GRIP1: variants seen among roughly 807,000 people sequenced by gnomAD.
The protein encoded by GRIP1 is glutamate receptor interacting protein 1.
Under a neutral mutation model 129.9 loss-of-function variants are expected in GRIP1, and 45 were observed. That is an observed-to-expected ratio of 0.35 (90% CI 0.27 to 0.44). The LOEUF (loss-of-function observed/expected upper bound fraction) is 0.44. Ranked by LOEUF, GRIP1 falls within the 20% of genes least tolerant of loss-of-function variation. The pLI is 1.00. For missense variants in GRIP1, 1,196 were observed against 1,396.8 expected, an observed-to-expected ratio of 0.86 and a Z score of 2.29; for synonymous variants, 530 against 520.8, an observed-to-expected ratio of 1.02 and a Z score of -0.24.
intron 17 of GRIP1, among the ~76,000 whole-genome samples, chr12:66,393,769 C>T (rs1467463291): frequency 6.6e-6 from 1 of 152,096 alleles, no homozygotes; most frequent in Non-Finnish European, 1.5e-5. Flanking sequence ...CACTTTGTTT[C>T]CCATAATCCT....
intron 1 of GRIP1, among the ~76,000 whole-genome samples, chr12:67,040,078 T>C (rs1277713757): frequency 6.6e-6 from 1 of 152,174 alleles, no homozygotes; most frequent in Non-Finnish European, 1.5e-5. Flanking sequence ...GCCTCTACGC[T>C]GCTTTCGTCT....
At chr12:66,499,547 C>G (rs889925575) in intron 7 of GRIP1, among the ~76,000 whole-genome samples, 2 of 152,048 alleles carry the variant, frequency 1.3e-5, no homozygotes, top group Non-Finnish European at 2.9e-5. Flanking sequence ...CTTCTGTTGT[C>G]AAGGAGTTTA....
chr12:66,600,063 G>C (rs2064212425), intron 1 of GRIP1, among the ~76,000 whole-genome samples: 1 of 152,196 alleles, frequency 6.6e-6, no homozygotes, highest in Non-Finnish European at 1.5e-5. Flanking sequence ...TTGAAAAGGA[G>C]CCTGAGCCAC....
intron 1 of GRIP1, among the ~76,000 whole-genome samples, chr12:66,902,177 A>T (rs876419): frequency 6.6e-6 from 1 of 151,878 alleles, no homozygotes; most frequent in Non-Finnish European, 1.5e-5. Flanking sequence ...CACTTAGCAG[A>T]TATTCAACAA....
Position 66,456,384 on chromosome 12 carries a change from G to A in GRIP1, c.1043-42C>T, listed in dbSNP as rs1266464066. 1.4e-5 allele frequency: 16 copies of A among 1,178,930 alleles called. No individual in the cohort carries two copies. In the South Asian group the frequency reaches 1.4e-4, roughly 11 times the overall value. 73.0% of individuals were successfully genotyped at this position (1,178,930 alleles called of 1,614,324 possible). ...ATGATGAAAAATAAGAAAAACAAAC[G>A]AACAAACAAAGAACCAAAAAAGAGG... On this transcript the variant is annotated intron_variant, in intron 9 of 24. Transcript: ENST00000359742.
At chr12:66,821,152 T>A (rs947499286) in intron 1 of GRIP1, among the ~76,000 whole-genome samples, 1 of 152,178 alleles carries the variant, frequency 6.6e-6, no homozygotes, top group South Asian at 2.1e-4. Flanking sequence ...AATTTTGTTA[T>A]GAACCAAAGC....
At chr12:67,020,491 T>C (rs910043233) in intron 1 of GRIP1, among the ~76,000 whole-genome samples, 9 of 152,152 alleles carry the variant, frequency 5.9e-5, no homozygotes, top group African/African-American at 2.2e-4. Context: ...CACTGCAGTC[T>C]TGGACTCCTG....
At chr12:66,610,814 A>C (rs1379766714) in intron 1 of GRIP1, among the ~76,000 whole-genome samples, 1 of 152,166 alleles carries the variant, frequency 6.6e-6, no homozygotes, top group East Asian at 1.9e-4. Flanking sequence ...GCTCAGCCCA[A>C]CAGACATTGC....
intron 1 of GRIP1, among the ~76,000 whole-genome samples, chr12:66,765,285 T>C (rs1231301164): frequency 6.6e-6 from 1 of 152,178 alleles, no homozygotes; most frequent in East Asian, 1.9e-4. Context: ...GCAGGAAGCA[T>C]ATTTTTTGAA....
At chr12:66,439,027 A>T (rs1260933730) in intron 13 of GRIP1, among the ~76,000 whole-genome samples, 1 of 152,200 alleles carries the variant, frequency 6.6e-6, no homozygotes, top group African/African-American at 2.4e-5. Context: ...TGGCCAGGGA[A>T]GGCTTCTCTG....
chr12:66,866,060 G>A (rs977286894), intron 1 of GRIP1, among the ~76,000 whole-genome samples: 18 of 152,196 alleles, frequency 1.2e-4, no homozygotes, highest in African/African-American at 2.6e-4. Context: ...CCATGGCTGC[G>A]ACTTTTATTG....
intron 1 of GRIP1, among the ~76,000 whole-genome samples, chr12:67,066,272 A>G (rs2043623499): frequency 6.6e-6 from 1 of 152,204 alleles, no homozygotes; most frequent in Non-Finnish European, 1.5e-5. Context: ...ACACAAAAGC[A>G]TGTTCCCTCA....
At chr12:67,024,246 C>A (rs74939032) in intron 1 of GRIP1, among the ~76,000 whole-genome samples, 10 of 152,278 alleles carry the variant, frequency 6.6e-5, no homozygotes, top group African/African-American at 1.9e-4. Context: ...AGATGCCCAA[C>A]GCACTGCAGA....
intron 1 of GRIP1, among the ~76,000 whole-genome samples, chr12:66,855,608 G>A (rs1318581499): frequency 6.6e-6 from 1 of 152,046 alleles, no homozygotes; most frequent in Non-Finnish European, 1.5e-5. Flanking sequence ...AATAGAGGAA[G>A]CCATTTTTTC....
intron 1 of GRIP1, among the ~76,000 whole-genome samples, chr12:66,857,909 T>C (rs527256397): frequency 9.2e-5 from 14 of 152,110 alleles, no homozygotes; most frequent in Middle Eastern, 3.4e-3. Flanking sequence ...TGTCTGAAAC[T>C]ACAGGTAAAG....
At chr12:66,528,338 C>T (rs2061334495) in intron 5 of GRIP1, among the ~76,000 whole-genome samples, 4 of 151,944 alleles carry the variant, frequency 2.6e-5, no homozygotes, top group African/African-American at 7.3e-5. Context: ...GGGGTTTCAC[C>T]GTGTTAGCCA....
At chr12:66,806,476 G>A (rs936816859), upstream of GRIP1, among the ~76,000 whole-genome samples, 62 of 151,974 alleles carry the variant, frequency 4.1e-4, 1 homozygote, top group African/African-American at 1.4e-3. Context: ...TAAATTTTAC[G>A]CAACTACACT....
At chr12:67,035,321 A>C (rs1206719976) in intron 1 of GRIP1, among the ~76,000 whole-genome samples, 2 of 152,144 alleles carry the variant, frequency 1.3e-5, no homozygotes, top group African/African-American at 4.8e-5. Context: ...CCCCCTCAGC[A>C]GGGTGTGCAT....
chr12:67,039,422 A>C (rs906295941), intron 1 of GRIP1, among the ~76,000 whole-genome samples: 1 of 152,204 alleles, frequency 6.6e-6, no homozygotes, highest in Non-Finnish European at 1.5e-5. Flanking sequence ...TGTTTCAGAT[A>C]GGATAAAAGG....
Sources: allele counts gnomAD v4.1 joint callset (sites outside exome capture counted in the v4.1 genomes callset), GRCh38; gene constraint gnomAD v4.1.1; transcripts MANE v1.5; gene names NCBI Gene and HGNC (gene_info 2026-07-23, HGNC 2026-07-21).